The following DENND5A variants were observed in gnomAD, a reference collection of about 807,000 sequenced individuals.
DENND5A encodes the protein DENN domain containing 5A, also known as DENN domain-containing protein 5A.
DENND5A carries 64 observed loss-of-function variants against 140.3 expected under a neutral mutation model. The observed-to-expected ratio is 0.46, with a 90% confidence interval of 0.37 to 0.56. The LOEUF is 0.56. Ranked by LOEUF, DENND5A falls within the 20% of genes least tolerant of loss-of-function variation. The probability of loss-of-function intolerance (pLI) is 0.00; values close to 1 mark genes in which losing one functional copy is unlikely to be tolerated. For synonymous variants in DENND5A, 605 were observed against 607.7 expected (o/e 1.00, Z 0.07); for missense variants, 1,292 against 1,593.8 (o/e 0.81, Z 3.22).
rs976548338 is a variant in DENND5A, at chr11:9,139,416, C to T, written c.*255G>A. 2.2e-6 allele frequency: 1 copy of T among 462,512 alleles called. No homozygotes were observed. Among genetic ancestry groups the T allele is most frequent in the Non-Finnish European group, 3.9e-6 (1 of 255,370 alleles). 28.7% of individuals were successfully genotyped at this position (462,512 alleles called of 1,614,324 possible). On this transcript the variant is annotated 3_prime_UTR_variant, in exon 23 of 23. Transcript: ENST00000328194. ...AGCATGTGGCCACGGCGAGGGAGGGCACCAGCTTCAAAATAAGCGGCACCA... is the reference window on the plus strand; with the variant it reads ...AGCATGTGGCCACGGCGAGGGAGGGTACCAGCTTCAAAATAAGCGGCACCA...
Position 9,153,399 on chromosome 11 carries a change from G to A in DENND5A, c.2437-957C>T, listed in dbSNP as rs368128211. ...GCAAATGACCTATCATCCTCTAAAT[G>A]GTCTGCTGGTTTTATGTCAGCTTGA... On this transcript the variant is annotated intron_variant, in intron 12 of 22. Transcript: ENST00000328194. Among the ~76,000 whole-genome samples, 12 of 147,420 alleles carry A rather than the reference G, an allele frequency of 8.1e-5. No individual in the cohort carries two copies. In the South Asian group the frequency reaches 8.6e-4, roughly 11 times the overall value.
chr11:9,206,894 T>C (rs1175417228), intron 2 of DENND5A, 112 bp from the exon 3 acceptor site: 3 of 728,948 alleles, frequency 4.1e-6, no homozygotes, highest in East Asian at 5.0e-5. Context: ...GGCAAGGGGG[T>C]TAGTATGCCA....
At chr11:9,239,103 A>T (rs374560748) in intron 1 of DENND5A, among the ~76,000 whole-genome samples, 21 of 152,138 alleles carry the variant, frequency 1.4e-4, no homozygotes, top group African/African-American at 4.3e-4. Flanking sequence ...AAATGCTGGG[A>T]TTACAGGTGT....
In DENND5A at chr11:9,139,792, T is replaced by C; in HGVS notation, c.3743A>G (p.Tyr1248Cys). The C allele has an allele frequency of 2.5e-6, 4 of 1,614,108 alleles. No individual in the cohort carries two copies. Among genetic ancestry groups the C allele is most frequent in the Non-Finnish European group, 3.4e-6 (4 of 1,180,004 alleles). ...GTCTTTGATCAGTGCCACATCCTCA[T>C]ACATGTGTGCAGTGATGGGGCAGTC... is the stretch of plus-strand genomic sequence containing the variant. ...LADCPITAHM[Y>C]EDVALIKDHT... The change falls in exon 23 of 23, where the codon TAT becomes TGT. Residue 1248 changes from tyrosine (Y) to cysteine (C), a missense_variant. Around this residue, in one of 4 missense-constraint regions of DENND5A, gnomAD observed 498 missense variants for 689.7 expected, o/e 0.72. Transcript: ENST00000328194.
At chr11:9,192,565 T>G (rs898838329) in intron 5 of DENND5A, among the ~76,000 whole-genome samples, 61 of 151,770 alleles carry the variant, frequency 4.0e-4, no homozygotes, top group African/African-American at 1.4e-3. Context: ...AAGGCAGAGG[T>G]TGCAGTCAGC....
intron 1 of DENND5A, among the ~76,000 whole-genome samples, chr11:9,238,887 A>C (rs896036508): frequency 6.8e-6 from 1 of 147,930 alleles, no homozygotes; most frequent in African/African-American, 2.5e-5. Flanking sequence ...GATGGAGTGC[A>C]GTGGCTTGAT....
At chr11:9,240,111 A>G (rs576528172) in intron 1 of DENND5A, among the ~76,000 whole-genome samples, 2 of 152,230 alleles carry the variant, frequency 1.3e-5, no homozygotes, top group Admixed American at 1.3e-4. Context: ...TGTTCCTTTT[A>G]AAGAACTGAT....
intron 1 of DENND5A, among the ~76,000 whole-genome samples, chr11:9,252,762 A>G (rs1236158817): frequency 1.3e-5 from 2 of 152,106 alleles, no homozygotes; most frequent in Non-Finnish European, 2.9e-5. Context: ...ATATCAACAT[A>G]TGAAGTATAG....
intron 22 of DENND5A, among the ~76,000 whole-genome samples, chr11:9,140,961 T>A (rs1464684463): frequency 6.6e-6 from 1 of 152,054 alleles, no homozygotes; most frequent in South Asian, 2.1e-4. Context: ...ACCCCGTCTC[T>A]ACTAACAATA....
At chr11:9,154,739 T>A (rs1284798589) in intron 12 of DENND5A, among the ~76,000 whole-genome samples, 7 of 148,636 alleles carry the variant, frequency 4.7e-5, no homozygotes, top group South Asian at 2.1e-4. Context: ...AAAAAAAAAA[T>A]GTCTAACAAC....
chr11:9,142,692 C>G lies in DENND5A; in HGVS notation c.3511+30G>C, dbSNP rs1203947890. 1.9e-6 allele frequency: 3 copies of G among 1,613,394 alleles called. No homozygotes were observed. The African/African-American group carries it at 4.0e-5, about 22-fold the overall frequency. On this transcript the variant is annotated intron_variant, in intron 21 of 22. Coordinates refer to ENST00000328194, the MANE Select transcript of DENND5A (RefSeq NM_015213.4). ...AGTCCCCTTATATCTCTACATGCTT[C>G]TCCCACCCTCATACTCCAGCTCAAC...
intron 3 of DENND5A, among the ~76,000 whole-genome samples, chr11:9,205,257 T>G (rs1849657041): frequency 6.6e-6 from 1 of 152,142 alleles, no homozygotes; most frequent in Non-Finnish European, 1.5e-5. Flanking sequence ...TAAAGAAACT[T>G]GGATAGTTAA....
intron 1 of DENND5A, among the ~76,000 whole-genome samples, chr11:9,259,459 C>T (rs1486695647): frequency 2.0e-5 from 3 of 147,318 alleles, no homozygotes; most frequent in South Asian, 2.2e-4. Context: ...CCAGCTACTC[C>T]GGAGGCTGAG....
At chr11:9,147,278 C>T in intron 15 of DENND5A, 127 bp from the exon 16 acceptor site, 1 of 974,346 alleles carries the variant, frequency 1.0e-6, no homozygotes, top group Non-Finnish European at 1.5e-6. Flanking sequence ...CTTAGGTTCA[C>T]CCTATAAAGG....
intron 4 of DENND5A, among the ~76,000 whole-genome samples, chr11:9,200,968 T>C (rs534670796): frequency 3.3e-5 from 5 of 152,288 alleles, no homozygotes; most frequent in African/African-American, 9.6e-5. Flanking sequence ...AGCCCTGCCA[T>C]TGTGGAGGTC....
intron 1 of DENND5A, among the ~76,000 whole-genome samples, chr11:9,247,780 T>A (rs1851542136): frequency 6.6e-6 from 1 of 152,176 alleles, no homozygotes; most frequent in South Asian, 2.1e-4. Flanking sequence ...AACTCTTAGA[T>A]AATCTGCTAG....
At chr11:9,148,174 G>A (rs1847494725) in intron 15 of DENND5A, among the ~76,000 whole-genome samples, 2 of 152,152 alleles carry the variant, frequency 1.3e-5, no homozygotes, top group African/African-American at 4.8e-5. Flanking sequence ...CGCTTCAGTG[G>A]TCCTGGAAGG....
chr11:9,206,852 A>G, intron 2 of DENND5A, 70 bp from the exon 3 acceptor site: 1 of 1,133,876 alleles, frequency 8.8e-7, no homozygotes, highest in South Asian at 1.2e-5. Context: ...TAAATGTCTG[A>G]GCTTGGTAGT....
At chr11:9,143,054 G>A (rs2136111473) in intron 20 of DENND5A, 1 of 632,406 alleles carries the variant, frequency 1.6e-6, no homozygotes, top group South Asian at 2.1e-5. Context: ...AAGAGATGAT[G>A]GATCTGGGTC....
Sources: gnomAD v4.1 joint callset for allele counts (sites outside exome capture counted in the v4.1 genomes callset) on GRCh38, gnomAD v4.1.1 for gene constraint, gnomAD v4.1.1 regional missense constraint, MANE v1.5 for transcripts, NCBI Gene and HGNC (gene_info 2026-07-23, HGNC 2026-07-21) for gene names.